PELI2: variants seen among roughly 807,000 people sequenced by gnomAD.
The protein encoded by PELI2 is E3 ubiquitin-protein ligase pellino homolog 2.
In PELI2, 23 loss-of-function variants were observed where a neutral mutation model predicts 42.3. The ratio of observed to expected loss-of-function variants is 0.54; its 90% CI spans 0.39 to 0.77. The LOEUF (loss-of-function observed/expected upper bound fraction) is 0.77, where lower values mean the gene tolerates loss of function less well. Among genes scored for constraint, PELI2 ranks in the 30% least tolerant of loss-of-function variants. The probability of loss-of-function intolerance (pLI) is 0.00; values close to 1 mark genes in which losing one functional copy is unlikely to be tolerated. For synonymous variants in PELI2, 245 were observed against 212.2 expected (o/e 1.15, Z -1.34); for missense variants, 463 against 553.2 (o/e 0.84, Z 1.64).
rs1890148279 is a variant in PELI2 at position 56,300,733 on chromosome 14, C to T, written c.*3567C>T. ...AATTTCTGATAGACAAACCACAGGA[C>T]TTTGATTTTAAGCCAAATCCATCTC... On this transcript the variant is annotated 3_prime_UTR_variant, in exon 6 of 6. Coordinates refer to ENST00000267460, the MANE Select transcript of PELI2 (RefSeq NM_021255.3). 6.6e-6 allele frequency: 1 copy of T among 152,142 alleles called. No individual in the cohort carries two copies. Among genetic ancestry groups the T allele is most frequent in the Admixed American group, 6.5e-5 (1 of 15,278 alleles). The allele number at this position is 152,142 out of a possible 1,614,324, so 9.4% of individuals were successfully genotyped here.
chr14:56,118,993 G>T (rs1054332192), intron 1 of PELI2: 2 of 219,614 alleles, frequency 9.1e-6, no homozygotes, highest in African/African-American at 4.6e-5. Context: ...CAGAACTCGG[G>T]CGACCCAGCG....
At chr14:56,286,954 A>T (rs993319025) in intron 3 of PELI2, among the ~76,000 whole-genome samples, 4 of 152,232 alleles carry the variant, frequency 2.6e-5, no homozygotes, top group Admixed American at 6.5e-5. Flanking sequence ...CTCTTTTTAC[A>T]GTCAATTTCA....
At chr14:56,121,420 A>G (rs1189492931) in intron 1 of PELI2, among the ~76,000 whole-genome samples, 1 of 152,196 alleles carries the variant, frequency 6.6e-6, no homozygotes, top group Non-Finnish European at 1.5e-5. Context: ...CCACATAGCT[A>G]GGATTTTAGT....
chr14:56,127,969 T>C (rs550098054), intron 1 of PELI2, among the ~76,000 whole-genome samples: 1 of 152,358 alleles, frequency 6.6e-6, no homozygotes, highest in South Asian at 2.1e-4. Flanking sequence ...AATTTTGAGA[T>C]GCATGTGTGT....
rs569363642 is a variant in PELI2 at position 56,249,189 on chromosome 14, A to G, written c.208-30487A>G. Among the ~76,000 whole-genome samples, 5 of 152,300 alleles carry G rather than the reference A, an allele frequency of 3.3e-5. No individual in the cohort carries two copies. The South Asian group carries it at 8.3e-4, about 25-fold the overall frequency. Reference sequence around the variant, plus strand: ...CATATGAGAATTCTAAGCTTAAGGAATTAACGTCCACTAAAATTCAAGCGG... The same window carrying G: ...CATATGAGAATTCTAAGCTTAAGGAGTTAACGTCCACTAAAATTCAAGCGG... On this transcript the variant is annotated intron_variant, in intron 2 of 5. Coordinates refer to ENST00000267460, the MANE Select transcript of PELI2 (RefSeq NM_021255.3).
chr14:56,131,298 C>T (rs1202563041), intron 1 of PELI2, among the ~76,000 whole-genome samples: 1 of 152,178 alleles, frequency 6.6e-6, no homozygotes, highest in Admixed American at 6.5e-5. Context: ...TGAGAGCTGG[C>T]ATAGCTTTAC....
At chr14:56,296,219 A>G (rs1889995482) in intron 5 of PELI2, among the ~76,000 whole-genome samples, 6 of 152,228 alleles carry the variant, frequency 3.9e-5, no homozygotes, top group Admixed American at 3.9e-4. Flanking sequence ...ATGAGTCTCC[A>G]CTGGATGGAC....
chr14:56,128,011 A>G (rs960467028), intron 1 of PELI2, among the ~76,000 whole-genome samples: 19 of 152,132 alleles, frequency 1.2e-4, no homozygotes, highest in African/African-American at 4.6e-4. Context: ...TGTGTTCTGC[A>G]TGGGTATATT....
chr14:56,137,398 A>G (rs1161541754), intron 1 of PELI2, among the ~76,000 whole-genome samples: 2 of 152,286 alleles, frequency 1.3e-5, no homozygotes, highest in Middle Eastern at 6.8e-3. Flanking sequence ...TATGCTACCT[A>G]GAGCTTAGCG....
intron 2 of PELI2, among the ~76,000 whole-genome samples, chr14:56,261,379 T>C (rs1276736119): frequency 3.3e-5 from 5 of 151,978 alleles, no homozygotes; most frequent in African/African-American, 1.2e-4. Context: ...AGTACCATTC[T>C]TTACTGGTTC....
intron 2 of PELI2, among the ~76,000 whole-genome samples, chr14:56,186,597 A>G (rs1885777650): frequency 6.6e-6 from 1 of 152,088 alleles, no homozygotes; most frequent in African/African-American, 2.4e-5. Flanking sequence ...GTGGTGGGGG[A>G]AATGAAAGGT....
chr14:56,119,004 G>C (rs1001413342), intron 1 of PELI2: 68 of 208,040 alleles, frequency 3.3e-4, no homozygotes, highest in Non-Finnish European at 5.5e-4. Context: ...CGACCCAGCG[G>C]GGGCAGCGCC....
intron 2 of PELI2, among the ~76,000 whole-genome samples, chr14:56,227,648 C>G (rs1321713811): frequency 6.6e-6 from 1 of 152,164 alleles, no homozygotes; most frequent in Non-Finnish European, 1.5e-5. Context: ...CTGGCGAAGC[C>G]TGGGAGCAGC....
intron 1 of PELI2, among the ~76,000 whole-genome samples, chr14:56,165,501 A>C (rs986112080): frequency 1.8e-4 from 27 of 152,182 alleles, no homozygotes; most frequent in African/African-American, 6.3e-4. Flanking sequence ...GACAGACCAC[A>C]TAATGTGGTC....
At chr14:56,230,655 T>C (rs1466588528) in intron 2 of PELI2, among the ~76,000 whole-genome samples, 1 of 152,094 alleles carries the variant, frequency 6.6e-6, no homozygotes, top group Admixed American at 6.5e-5. Flanking sequence ...CATGCCAAAT[T>C]GTAAAGACCA....
chr14:56,137,354 C>G (rs1883722170), intron 1 of PELI2, among the ~76,000 whole-genome samples: 1 of 152,102 alleles, frequency 6.6e-6, no homozygotes, highest in South Asian at 2.1e-4. Context: ...ATTGCTCTGC[C>G]TCTGGATTAA....
chr14:56,169,415 C>G (rs1302599967), intron 1 of PELI2, among the ~76,000 whole-genome samples: 1 of 152,170 alleles, frequency 6.6e-6, no homozygotes, highest in Non-Finnish European at 1.5e-5. Context: ...TAAATGCTCC[C>G]TCCGTGGTTG....
At chr14:56,241,138 A>T (rs1887960610) in intron 2 of PELI2, among the ~76,000 whole-genome samples, 1 of 152,152 alleles carries the variant, frequency 6.6e-6, no homozygotes, top group East Asian at 1.9e-4. Context: ...ATGGAGAGAA[A>T]AAGACCTTAC....
chr14:56,222,323 A>C (rs528018367), intron 2 of PELI2, among the ~76,000 whole-genome samples: 44 of 152,338 alleles, frequency 2.9e-4, no homozygotes, highest in Admixed American at 7.2e-4. Context: ...CAGAAGTGGG[A>C]ACAACTTAGT....
Sources: allele counts gnomAD v4.1 joint callset (sites outside exome capture counted in the v4.1 genomes callset), GRCh38; gene constraint gnomAD v4.1.1; transcripts MANE v1.5; gene names NCBI Gene and HGNC (gene_info 2026-07-23, HGNC 2026-07-21).